The following EPB41L5 variants were observed in gnomAD, a reference collection of about 807,000 sequenced individuals.
EPB41L5 encodes the protein band 4.1-like protein 5.
A neutral mutation model predicts 106.6 loss-of-function variants in EPB41L5; 55 were observed. That is an observed-to-expected ratio of 0.52 (90% CI 0.42 to 0.65). The LOEUF (loss-of-function observed/expected upper bound fraction) is 0.65, where lower values mean the gene tolerates loss of function less well. Ranked by LOEUF, EPB41L5 falls within the 30% of genes least tolerant of loss-of-function variation. The pLI is 0.00. For synonymous variants in EPB41L5, 297 were observed against 306.7 expected (o/e 0.97, Z 0.33); for missense variants, 871 against 882.1 (o/e 0.99, Z 0.16).
chr2:120,100,702 TGGG>T lies in EPB41L5; in HGVS notation c.1228_1230del (p.Gly410del), dbSNP rs1558875157. On this transcript the variant is annotated inframe_deletion, in exon 16 of 25. Transcript: ENST00000263713. ...TTTTTATAATTTTTGTCCAAAGGCTTGGGGGATGAGATCTGCTCTGCCTGTGAG... is the reference window on the plus strand; with the variant it reads ...TTTTTATAATTTTTGTCCAAAGGCTTGGATGAGATCTGCTCTGCCTGTGAG... The T allele has an allele frequency of 6.2e-7, 1 of 1,613,006 alleles. No individual in the cohort carries two copies. The highest frequency in any genetic ancestry group is 8.5e-7 in the Non-Finnish European group (1 of 1,179,136).
Position 120,131,587 on chromosome 2 carries a change from G to C in EPB41L5, c.1502-31G>C, listed in dbSNP as rs962979531. ...CTAGCTGTGACAGCCTGGCAGACTG[G>C]GGTTATTTTGCCTTTTTTTTTTCTT... On this transcript the variant is annotated intron_variant, in intron 17 of 24. Coordinates refer to ENST00000263713, the MANE Select transcript of EPB41L5 (RefSeq NM_020909.4). 3 of 1,518,618 alleles carry C rather than the reference G, an allele frequency of 2.0e-6. No individual in the cohort carries two copies. In the South Asian group the frequency reaches 3.4e-5, roughly 17 times the overall value. 94.1% of individuals were successfully genotyped at this position (1,518,618 alleles called of 1,614,324 possible). A position where few individuals can be genotyped will look rare whatever the true frequency, so the allele number is the denominator to read the frequency against.
At chr2:120,119,274 TGTCTG>T (rs1685096416) in intron 16 of EPB41L5, among the ~76,000 whole-genome samples, 1 of 152,212 alleles carries the variant, frequency 6.6e-6, no homozygotes, top group African/African-American at 2.4e-5. Context: ...TTCTGTAAGT[TGTCTG>T]TTCATTCTGC....
chr2:120,134,415 G>T (rs1685834945), intron 18 of EPB41L5, among the ~76,000 whole-genome samples: 1 of 152,108 alleles, frequency 6.6e-6, no homozygotes. Flanking sequence ...ACCACTTGCT[G>T]ACGGAAGAAC....
intron 3 of EPB41L5, among the ~76,000 whole-genome samples, chr2:120,051,694 C>T (rs549955617): frequency 1.3e-5 from 2 of 152,322 alleles, no homozygotes; most frequent in East Asian, 3.9e-4. Flanking sequence ...GTGGGCTGCA[C>T]CCACTGTCCA....
At position 120,078,591 on chromosome 2, in the gene EPB41L5, A is replaced by T; in HGVS notation, c.803+10A>T. 1.3e-6 allele frequency: 2 copies of T among 1,577,610 alleles called. No homozygotes were observed. The highest frequency in any genetic ancestry group is 1.7e-6 in the Non-Finnish European group (2 of 1,151,158). ...TTGGCTTATTTTTTTGGTAAGCAAG[A>T]GTTATTGTCAAAGATACTTACTGTT... On this transcript the variant is annotated intron_variant, in intron 10 of 24. Transcript: ENST00000263713.
At chr2:120,041,287 C>A (rs1195677970) in intron 2 of EPB41L5, among the ~76,000 whole-genome samples, 1 of 152,090 alleles carries the variant, frequency 6.6e-6, no homozygotes, top group Non-Finnish European at 1.5e-5. Flanking sequence ...CACTGTGTTG[C>A]AATGTGTTGT....
chr2:120,136,092 T>C (rs557713924), intron 18 of EPB41L5, among the ~76,000 whole-genome samples: 1 of 117,928 alleles, frequency 8.5e-6, no homozygotes, highest in East Asian at 2.4e-4. Flanking sequence ...AAGCTGGGGG[T>C]GGGGGTGGCG....
At chr2:120,100,424 G>A in intron 15 of EPB41L5, 138 bp downstream of exon 15, 1 of 828,254 alleles carries the variant, frequency 1.2e-6, no homozygotes, top group Admixed American at 2.8e-5. Context: ...TCCCTTAAGT[G>A]GTTCAGTAAT....
intron 16 of EPB41L5, among the ~76,000 whole-genome samples, chr2:120,120,638 A>G (rs1206660207): frequency 1.3e-5 from 2 of 152,104 alleles, no homozygotes; most frequent in Non-Finnish European, 2.9e-5. Context: ...AAAGAAAGAA[A>G]GAAACAGACC....
chr2:120,090,585 C>CT, intron 12 of EPB41L5, 69 bp downstream of exon 12: 1 of 1,383,584 alleles, frequency 7.2e-7, no homozygotes, highest in Non-Finnish European at 9.9e-7. Flanking sequence ...CCAATCTTCT[C>CT]TTTTTTACAG....
chr2:120,121,888 G>A (rs1268338067), intron 16 of EPB41L5, among the ~76,000 whole-genome samples: 1 of 152,132 alleles, frequency 6.6e-6, no homozygotes, highest in Non-Finnish European at 1.5e-5. Context: ...GTGTGAGATG[G>A]GATCTCATTG....
At chr2:120,096,739 G>A (rs866161846) in intron 14 of EPB41L5, among the ~76,000 whole-genome samples, 1 of 152,156 alleles carries the variant, frequency 6.6e-6, no homozygotes, top group African/African-American at 2.4e-5. Context: ...GCACTGAGCC[G>A]AGACTGCGCC....
intron 20 of EPB41L5, among the ~76,000 whole-genome samples, chr2:120,149,161 A>C (rs1035229982): frequency 6.6e-6 from 1 of 151,784 alleles, no homozygotes; most frequent in Admixed American, 6.6e-5. Flanking sequence ...AGAAATGTCT[A>C]TTCAGATCAT....
At chr2:120,145,702 T>G (rs949874122) in intron 19 of EPB41L5, among the ~76,000 whole-genome samples, 1 of 152,162 alleles carries the variant, frequency 6.6e-6, no homozygotes, top group Non-Finnish European at 1.5e-5. Flanking sequence ...CCCACCACCT[T>G]GGGAGGCCCA....
At chr2:120,042,939 G>A (rs1300816750) in intron 3 of EPB41L5, among the ~76,000 whole-genome samples, 1 of 152,000 alleles carries the variant, frequency 6.6e-6, no homozygotes, top group Non-Finnish European at 1.5e-5. Flanking sequence ...GTAGGAGGCA[G>A]AGGAAGAGAC....
rs373119592 is a variant in EPB41L5, at chr2:120,158,942, A to G, written c.1794-1939A>G. ...AAATCACTAGCATTCCTATACACCA[A>G]CAATAGTCAAGCTGAGAGCCAAATC... is the stretch of plus-strand genomic sequence containing the variant. On this transcript the variant is annotated intron_variant, in intron 20 of 24. Transcript: ENST00000263713. 2.6e-5 allele frequency among the ~76,000 whole-genome samples: 4 copies of G among 152,202 alleles called. No individual in the cohort carries two copies. In the South Asian group the frequency reaches 6.2e-4, roughly 24 times the overall value.
intron 18 of EPB41L5, among the ~76,000 whole-genome samples, chr2:120,133,200 A>G (rs958271823): frequency 5.3e-5 from 8 of 152,310 alleles, no homozygotes; most frequent in South Asian, 2.1e-4. Flanking sequence ...GGATGGAGCA[A>G]GATGGCCAAA....
intron 2 of EPB41L5, among the ~76,000 whole-genome samples, chr2:120,033,522 A>G (rs1678847796): frequency 6.6e-6 from 1 of 151,862 alleles, no homozygotes; most frequent in African/African-American, 2.4e-5. Context: ...AGCCTAGCCA[A>G]CGTGGTGAAA....
intron 16 of EPB41L5, among the ~76,000 whole-genome samples, chr2:120,119,393 A>G (rs1437856325): frequency 6.6e-6 from 1 of 151,972 alleles, no homozygotes; most frequent in Admixed American, 6.6e-5. Flanking sequence ...CTTTTGTTGC[A>G]GTTGCTTTTG....
Sources: gnomAD v4.1 joint callset for allele counts (sites outside exome capture counted in the v4.1 genomes callset) on GRCh38, gnomAD v4.1.1 for gene constraint, MANE v1.5 for transcripts, NCBI Gene and HGNC (gene_info 2026-07-23, HGNC 2026-07-21) for gene names.